The following HPSE variants were observed in gnomAD, a reference collection of about 807,000 sequenced individuals.
HPSE encodes the protein endo-glucoronidase.
A neutral mutation model predicts 65.1 loss-of-function variants in HPSE; 48 were observed. The observed-to-expected ratio is 0.74, with a 90% CI of 0.58 to 0.94. HPSE has a LOEUF of 0.94. Ranked by LOEUF, HPSE falls within the 40% of genes least tolerant of loss-of-function variation. The pLI is 0.00. For synonymous variants in HPSE, 243 were observed against 260.0 expected, an observed-to-expected ratio of 0.93 and a Z score of 0.63; for missense variants, 644 against 637.5, an observed-to-expected ratio of 1.01 and a Z score of -0.11.
intron 3 of HPSE, among the ~76,000 whole-genome samples, chr4:83,316,318 C>A (rs1301919935): frequency 1.4e-5 from 2 of 147,464 alleles, no homozygotes; most frequent in African/African-American, 5.0e-5. Context: ...TGAGCCACCA[C>A]GTCTGGCCAC....
intron 2 of HPSE, among the ~76,000 whole-genome samples, chr4:83,320,077 G>A (rs973423629): frequency 1.4e-5 from 2 of 144,964 alleles, no homozygotes; most frequent in African/African-American, 2.5e-5. Context: ...GAACTCTAAT[G>A]AAGAAAACAT....
intron 10 of HPSE, among the ~76,000 whole-genome samples, chr4:83,301,787 C>T (rs1243395941): frequency 2.6e-5 from 4 of 152,112 alleles, no homozygotes; most frequent in African/African-American, 9.7e-5. Context: ...CTACAAAAAT[C>T]TCGATGTCTT....
intron 1 of HPSE, among the ~76,000 whole-genome samples, chr4:83,331,997 C>T (rs4693612): frequency 0.84 from 127,730 of 152,200 alleles, 54,312 homozygotes; most frequent in East Asian, 0.99. Flanking sequence ...CAAAACTAGT[C>T]ACTCACAGTG....
intron 1 of HPSE, among the ~76,000 whole-genome samples, chr4:83,329,835 A>G (rs1737296779): frequency 6.6e-6 from 1 of 152,122 alleles, no homozygotes; most frequent in Non-Finnish European, 1.5e-5. Context: ...AAACTGTGAG[A>G]TCAGTGCCAG....
intron 3 of HPSE, among the ~76,000 whole-genome samples, chr4:83,314,313 A>C (rs920758287): frequency 2.6e-5 from 4 of 152,060 alleles, no homozygotes; most frequent in Non-Finnish European, 4.4e-5. Flanking sequence ...AAAAATAATT[A>C]ACATGAAAAA....
intron 3 of HPSE, among the ~76,000 whole-genome samples, chr4:83,317,382 CA>C (rs1401792005): frequency 6.6e-6 from 1 of 152,240 alleles, no homozygotes; most frequent in African/African-American, 2.4e-5. Context: ...TTTGTCACTA[CA>C]ATGAGTAGGT....
In HPSE at chr4:83,310,662, A is replaced by T. The variant is rs1736331333; in HGVS notation, c.842+60T>A. ...ACTCCAGTCTGGCTGACAGAGTGAG[A>T]CTCTGTCTCAAAAGGAAAAAGAAGA... On this transcript the variant is annotated intron_variant, in intron 5 of 11. Coordinates refer to ENST00000311412, the MANE Select transcript of HPSE (RefSeq NM_001098540.3). 11 of 1,500,434 alleles carry T rather than the reference A, an allele frequency of 7.3e-6. No individual in the cohort carries two copies. In the South Asian group the frequency reaches 1.3e-4, roughly 17 times the overall value. The allele number at this position is 1,500,434 out of a possible 1,614,324, so 92.9% of individuals were successfully genotyped here. A position where few individuals can be genotyped will look rare whatever the true frequency, so the allele number is the denominator to read the frequency against.
intron 5 of HPSE, among the ~76,000 whole-genome samples, chr4:83,310,512 A>AT (rs1490976971): frequency 3.3e-5 from 5 of 152,028 alleles, no homozygotes; most frequent in Non-Finnish European, 7.4e-5. Flanking sequence ...CTACAAAAAA[A>AT]TTTTTTTAAA....
intron 3 of HPSE, among the ~76,000 whole-genome samples, chr4:83,315,499 A>G (rs572090989): frequency 1.3e-5 from 2 of 152,334 alleles, no homozygotes; most frequent in Admixed American, 6.5e-5. Context: ...TGGCAGTACC[A>G]TTACTAGAGT....
chr4:83,309,916 G>T, intron 6 of HPSE, 115 bp downstream of exon 6: 1 of 695,812 alleles, frequency 1.4e-6, no homozygotes, highest in Non-Finnish European at 2.5e-6. Context: ...GACACTATTT[G>T]TTTCTTATTT....
intron 11 of HPSE, among the ~76,000 whole-genome samples, chr4:83,300,621 CGGG>C: frequency 4.2e-5 from 1 of 23,702 alleles, no homozygotes. Context: ...GAGACCCATC[CGGG>C]CTAAAACGGT....
At chr4:83,335,102 G>T (rs555573412), upstream of HPSE, 80 of 280,394 alleles carry the variant, frequency 2.9e-4, 1 homozygote, top group African/African-American at 1.5e-3. Flanking sequence ...CCAAGCGCCC[G>T]GGAGGCCTGG....
chr4:83,307,160 A>G (rs1736173132), intron 8 of HPSE, among the ~76,000 whole-genome samples: 2 of 152,338 alleles, frequency 1.3e-5, no homozygotes, highest in Non-Finnish European at 2.9e-5. Context: ...TTTGAGTAAT[A>G]ATAAAACTCT....
chr4:83,317,362 T>G (rs1358867568), intron 3 of HPSE, among the ~76,000 whole-genome samples: 1 of 152,220 alleles, frequency 6.6e-6, no homozygotes, highest in Non-Finnish European at 1.5e-5. Flanking sequence ...CCCTATTAGC[T>G]TCTGAAATAT....
chr4:83,312,276 A>G (rs1209585322), intron 4 of HPSE, among the ~76,000 whole-genome samples: 1 of 152,216 alleles, frequency 6.6e-6, no homozygotes, highest in Non-Finnish European at 1.5e-5. Flanking sequence ...TAGCAATAAT[A>G]GGTTCTGGAA....
chr4:83,296,374 T>G (rs1024890502), intron 11 of HPSE, among the ~76,000 whole-genome samples: 15 of 152,152 alleles, frequency 9.9e-5, no homozygotes, highest in African/African-American at 3.6e-4. Flanking sequence ...CTTTAAATAT[T>G]GAAAACTTGT....
chr4:83,332,515 G>C (rs1737418379), intron 1 of HPSE, among the ~76,000 whole-genome samples: 1 of 152,044 alleles, frequency 6.6e-6, no homozygotes, highest in Non-Finnish European at 1.5e-5. Context: ...TTGTAAACCA[G>C]AAAAAAAGTT....
intron 10 of HPSE, among the ~76,000 whole-genome samples, chr4:83,301,710 A>C (rs1735955257): frequency 6.6e-6 from 1 of 152,226 alleles, no homozygotes; most frequent in Non-Finnish European, 1.5e-5. Context: ...TGATAGATTG[A>C]AACCTATCTA....
rs145748158 is a variant in HPSE at position 83,322,322 on chromosome 4, C to T, written c.270G>A (p.Ala90=). ...TCTTGGTGCCACCAAACCTCAGGTA[C>T]GCAGGAGACAAGCCTCTGGCCAAGG... ...LRTLARGLSP[A]YLRFGGTKTD... is the part of the protein sequence containing the mutation. The change falls in exon 2 of 12, where the codon GCG becomes GCA. Residue 90 remains alanine, a synonymous_variant. Coordinates refer to ENST00000311412, the MANE Select transcript of HPSE (RefSeq NM_001098540.3). 2.2e-5 allele frequency: 35 copies of T among 1,613,340 alleles called. No individual in the cohort carries two copies. Among genetic ancestry groups the T allele is most frequent in the African/African-American group, 1.5e-4 (11 of 74,872 alleles).
Sources: allele counts gnomAD v4.1 joint callset (sites outside exome capture counted in the v4.1 genomes callset), GRCh38; gene constraint gnomAD v4.1.1; transcripts MANE v1.5; gene names NCBI Gene and HGNC (gene_info 2026-07-23, HGNC 2026-07-21).